PRKG1: variants seen among roughly 807,000 people sequenced by gnomAD.
The protein encoded by PRKG1 is cGMP-dependent protein kinase 1.
In PRKG1, 35 loss-of-function variants were observed where a neutral mutation model predicts 88.1. The observed-to-expected ratio is 0.40, with a 90% CI of 0.30 to 0.53. The LOEUF (loss-of-function observed/expected upper bound fraction) is 0.53, where lower values mean the gene tolerates loss of function less well. Ranked by LOEUF, PRKG1 falls within the 20% of genes least tolerant of loss-of-function variation. PRKG1 has a pLI of 0.59. For synonymous variants in PRKG1, 303 were observed against 292.5 expected (o/e 1.04, Z -0.37); for missense variants, 540 against 839.8 (o/e 0.64, Z 4.41).
chr10:51,218,077 T>TA (rs1323359107), intron 2 of PRKG1, among the ~76,000 whole-genome samples: 1 of 152,184 alleles, frequency 6.6e-6, no homozygotes, highest in Non-Finnish European at 1.5e-5. Context: ...CTGTGATACT[T>TA]ATGTCGTTAA....
At chr10:51,617,120 C>A (rs546776622) in intron 3 of PRKG1, among the ~76,000 whole-genome samples, 32 of 152,190 alleles carry the variant, frequency 2.1e-4, no homozygotes, top group African/African-American at 7.5e-4. Context: ...CCATGAGGCT[C>A]AAGGGGCTCT....
intron 8 of PRKG1, among the ~76,000 whole-genome samples, chr10:52,138,783 A>T (rs527353240): frequency 3.9e-5 from 6 of 152,096 alleles, no homozygotes; most frequent in Non-Finnish European, 7.4e-5. Context: ...GCAATCTCTG[A>T]AACTGAGATA....
intron 2 of PRKG1, among the ~76,000 whole-genome samples, chr10:51,447,673 A>G (rs370286950): frequency 1.4e-4 from 22 of 151,960 alleles, no homozygotes; most frequent in African/African-American, 4.8e-4. Context: ...TTCATATTCC[A>G]TCTACCACAT....
intron 2 of PRKG1, among the ~76,000 whole-genome samples, chr10:51,189,956 A>G (rs1031096879): frequency 1.3e-5 from 2 of 151,918 alleles, no homozygotes; most frequent in Admixed American, 1.3e-4. Context: ...GGCTACAGAA[A>G]TAACAGGCAG....
intron 2 of PRKG1, among the ~76,000 whole-genome samples, chr10:51,452,823 A>T (rs1377075814): frequency 6.6e-6 from 1 of 151,852 alleles, no homozygotes; most frequent in Non-Finnish European, 1.5e-5. Flanking sequence ...TTTGGGAAGG[A>T]CTTCCTCTTT....
chr10:51,635,609 C>G (rs921349525), intron 3 of PRKG1, among the ~76,000 whole-genome samples: 1 of 152,058 alleles, frequency 6.6e-6, no homozygotes, highest in Non-Finnish European at 1.5e-5. Flanking sequence ...TTAAATAAAA[C>G]ATGTCCTAGA....
At chr10:51,671,994 G>A (rs1248127284) in intron 3 of PRKG1, among the ~76,000 whole-genome samples, 2 of 152,058 alleles carry the variant, frequency 1.3e-5, no homozygotes, top group African/African-American at 4.8e-5. Context: ...TAAATTTTAA[G>A]GGAACACAAT....
chr10:51,170,416 A>T (rs1231201771), intron 2 of PRKG1, among the ~76,000 whole-genome samples: 4 of 144,662 alleles, frequency 2.8e-5, no homozygotes, highest in Admixed American at 1.4e-4. Flanking sequence ...TTCACAACTG[A>T]TTTTTTCAAA....
At chr10:51,779,343 C>A (rs997184664) in intron 3 of PRKG1, among the ~76,000 whole-genome samples, 1 of 152,082 alleles carries the variant, frequency 6.6e-6, no homozygotes. Flanking sequence ...GGTCCCCTGT[C>A]TACCAAGCAA....
intron 3 of PRKG1, among the ~76,000 whole-genome samples, chr10:51,639,367 G>A (rs555081031): frequency 1.0e-3 from 143 of 142,154 alleles, no homozygotes; most frequent in Non-Finnish European, 1.6e-3. Context: ...CTCGGAGGCC[G>A]AGCTTGCAGT....
chr10:51,670,737 AAAAAAAATAAATAAAT>A (rs1471843248), intron 3 of PRKG1, among the ~76,000 whole-genome samples: 1,417 of 119,356 alleles, frequency 0.012, 30 homozygotes, highest in Middle Eastern at 0.046. Context: ...CTCCGTCTCA[AAAAAAAATAAATAAAT>A]AAATAAATAA....
At chr10:51,756,977 A>C (rs1837884624) in intron 3 of PRKG1, among the ~76,000 whole-genome samples, 1 of 152,086 alleles carries the variant, frequency 6.6e-6, no homozygotes, top group East Asian at 1.9e-4. Context: ...TGATTTTGGC[A>C]GGTTGATTAG....
At chr10:51,069,537 C>A (rs1752057534), upstream of PRKG1, among the ~76,000 whole-genome samples, 1 of 151,948 alleles carries the variant, frequency 6.6e-6, no homozygotes, top group Non-Finnish European at 1.5e-5. Flanking sequence ...AATTAAAATT[C>A]TATTGTCTGA....
intron 9 of PRKG1, among the ~76,000 whole-genome samples, chr10:52,191,321 C>A (rs928760218): frequency 6.7e-6 from 1 of 148,952 alleles, no homozygotes; most frequent in Admixed American, 6.7e-5. Flanking sequence ...AGGAGCCATG[C>A]TCCAGCTATT....
At chr10:51,196,196 C>G (rs1176849116) in intron 2 of PRKG1, among the ~76,000 whole-genome samples, 1 of 152,142 alleles carries the variant, frequency 6.6e-6, no homozygotes, top group Non-Finnish European at 1.5e-5. Flanking sequence ...GAGGTTAAAA[C>G]CTTTCTGTAT....
At chr10:51,318,150 C>A (rs748683517) in intron 2 of PRKG1, among the ~76,000 whole-genome samples, 1 of 152,162 alleles carries the variant, frequency 6.6e-6, no homozygotes, top group African/African-American at 2.4e-5. Context: ...GTGTCCTCAG[C>A]CTTTTGTTCA....
intron 1 of PRKG1, among the ~76,000 whole-genome samples, chr10:51,104,740 T>TTATG (rs1317318450): frequency 6.7e-6 from 1 of 149,998 alleles, no homozygotes; most frequent in African/African-American, 2.5e-5. Context: ...ATTTATTTAT[T>TTATG]TATTTTGTGA....
At chr10:51,203,117 T>G (rs1235963793) in intron 2 of PRKG1, among the ~76,000 whole-genome samples, 1 of 151,894 alleles carries the variant, frequency 6.6e-6, no homozygotes, top group African/African-American at 2.4e-5. Context: ...GAGAGAACAG[T>G]GTCTCAAGGA....
rs936301718 is a variant in PRKG1 at position 52,257,058 on chromosome 10, T to A, written c.1173+5392T>A. Among the ~76,000 whole-genome samples, 2 of 139,532 alleles carry A rather than the reference T, an allele frequency of 1.4e-5. 1 individual carries two copies. The highest frequency in any genetic ancestry group is 4.1e-4 in the East Asian group (2 of 4,884). The allele number at this position is 139,532 out of a possible 152,430, so 91.5% of individuals were successfully genotyped here. ...GCCTTCTTAACCCATGGCACCTCAG[T>A]TGGGCATAATAAAGACCTGGCTCTT... On this transcript the variant is annotated intron_variant, in intron 10 of 17. Coordinates refer to ENST00000373980, the MANE Select transcript of PRKG1 (RefSeq NM_006258.4).
Sources: gnomAD v4.1 joint callset for allele counts (sites outside exome capture counted in the v4.1 genomes callset) on GRCh38, gnomAD v4.1.1 for gene constraint, MANE v1.5 for transcripts, NCBI Gene and HGNC (gene_info 2026-07-23, HGNC 2026-07-21) for gene names.